CACNA2D3: variants seen among roughly 807,000 people sequenced by gnomAD.
CACNA2D3 encodes voltage-dependent calcium channel subunit alpha-2/delta-3.
A neutral mutation model predicts 160.6 loss-of-function variants in CACNA2D3; 60 were observed. That is an observed-to-expected ratio of 0.37 (90% CI 0.30 to 0.46). The LOEUF (loss-of-function observed/expected upper bound fraction) is 0.46. CACNA2D3 is among the 20% of genes least tolerant of loss of function. The pLI is 1.00. For synonymous variants in CACNA2D3, 558 were observed against 492.9 expected (o/e 1.13, Z -1.75); for missense variants, 1,205 against 1,365.0 (o/e 0.88, Z 1.85).
chr3:54,898,064 CGCTTGCTTGCTT>C (rs10660896), intron 26 of CACNA2D3, among the ~76,000 whole-genome samples: 2 of 151,098 alleles, frequency 1.3e-5, no homozygotes, highest in African/African-American at 4.9e-5. Context: ...GTCCGAAGCT[CGCTTGCTTGCTT>C]GCTTGCTTGC....
chr3:54,291,039 C>T (rs890605463), intron 2 of CACNA2D3, among the ~76,000 whole-genome samples: 7 of 152,248 alleles, frequency 4.6e-5, no homozygotes, highest in Admixed American at 3.9e-4. Context: ...CACATGTACC[C>T]TAAAACTTAA....
At chr3:54,564,174 ACT>A (rs1330902046) in intron 6 of CACNA2D3, among the ~76,000 whole-genome samples, 1 of 152,178 alleles carries the variant, frequency 6.6e-6, no homozygotes, top group Non-Finnish European at 1.5e-5. Context: ...GCTATGCGGC[ACT>A]GTGAAGAGGG....
intron 2 of CACNA2D3, among the ~76,000 whole-genome samples, chr3:54,288,443 CAA>C (rs957021623): frequency 6.6e-6 from 1 of 152,100 alleles, no homozygotes; most frequent in Non-Finnish European, 1.5e-5. Context: ...GCTTACCCAC[CAA>C]AAAGAGTCCA....
chr3:54,473,671 A>T (rs139135585), intron 4 of CACNA2D3, among the ~76,000 whole-genome samples: 2,967 of 152,232 alleles, frequency 0.019, 77 homozygotes, highest in East Asian at 0.11. Flanking sequence ...TACAAGGAAC[A>T]TAAACAAATT....
intron 11 of CACNA2D3, among the ~76,000 whole-genome samples, chr3:54,687,018 T>G (rs534848112): frequency 1.3e-5 from 2 of 152,130 alleles, no homozygotes; most frequent in South Asian, 4.2e-4. Flanking sequence ...CAAGAAAAAT[T>G]TGGAAGCTTG....
In CACNA2D3 at chr3:54,786,603, G is replaced by A. The variant is rs138093813; in HGVS notation, c.1380+22252G>A. On this transcript the variant is annotated intron_variant, in intron 13 of 37. Coordinates refer to ENST00000474759, the MANE Select transcript of CACNA2D3 (RefSeq NM_018398.3). The stretch of plus-strand genomic sequence containing the variant: ...AGTCTTCCTTGGCCTAGGCTTTATA[G>A]ATATTTGGTAGGTAAATAAATAGCA... Among the ~76,000 whole-genome samples the A allele has an allele frequency of 1.4e-4, 22 of 152,252 alleles. No homozygotes were observed. The East Asian group carries it at 3.7e-3, about 25-fold the overall frequency.
At position 54,840,403 on chromosome 3, in the gene CACNA2D3, CTTTTTTTTTTTTTTTT is replaced by C. The variant is rs1174129020; in HGVS notation, c.1551+1765_1551+1780del. On this transcript the variant is annotated intron_variant, in intron 16 of 37. Coordinates refer to ENST00000474759, the MANE Select transcript of CACNA2D3 (RefSeq NM_018398.3). ...CATCTTGCAAGCAGGAGAACCATGT[CTTTTTTTTTTTTTTTT>C]TTTTTTTTTGAGATGGACTCTCACT... 5.4e-5 allele frequency among the ~76,000 whole-genome samples: 4 copies of C among 73,454 alleles called. No homozygotes were observed. The Admixed American group carries it at 8.1e-4, about 15-fold the overall frequency. 48.2% of individuals were successfully genotyped at this position (73,454 alleles called of 152,430 possible).
At chr3:54,472,810 C>G (rs1420693214) in intron 4 of CACNA2D3, among the ~76,000 whole-genome samples, 2 of 152,106 alleles carry the variant, frequency 1.3e-5, no homozygotes, top group Admixed American at 6.6e-5. Context: ...AATAAAACAC[C>G]TAGGTATACG....
At chr3:54,815,372 T>C (rs926091228) in intron 13 of CACNA2D3, among the ~76,000 whole-genome samples, 1 of 152,226 alleles carries the variant, frequency 6.6e-6, no homozygotes, top group African/African-American at 2.4e-5. Context: ...TGTTCGGTTC[T>C]ACTCTTTGTG....
At chr3:54,939,520 G>A (rs758714294) in intron 27 of CACNA2D3, among the ~76,000 whole-genome samples, 1 of 152,224 alleles carries the variant, frequency 6.6e-6, no homozygotes, top group Non-Finnish European at 1.5e-5. Context: ...GGGCCACAGG[G>A]AAAAGAGGGC....
At chr3:54,587,786 A>G (rs998097156) in intron 9 of CACNA2D3, among the ~76,000 whole-genome samples, 1 of 152,192 alleles carries the variant, frequency 6.6e-6, no homozygotes, top group African/African-American at 2.4e-5. Context: ...TAGCTAGACT[A>G]ATCCTATAAC....
chr3:54,466,770 GTATAAT>G (rs1343704041), intron 4 of CACNA2D3, among the ~76,000 whole-genome samples: 24 of 152,336 alleles, frequency 1.6e-4, no homozygotes, highest in African/African-American at 5.3e-4. Context: ...GCCTAACACT[GTATAAT>G]TATAAGTATA....
intron 4 of CACNA2D3, among the ~76,000 whole-genome samples, chr3:54,430,377 T>C (rs771139021): frequency 6.6e-6 from 1 of 152,232 alleles, no homozygotes; most frequent in East Asian, 1.9e-4. Flanking sequence ...ACAGCTTTCA[T>C]TGAGTTGTTG....
At position 54,758,551 on chromosome 3, in the gene CACNA2D3, CT is replaced by C. The variant is rs554160913; in HGVS notation, c.1247-5662del. Among the ~76,000 whole-genome samples, 44 of 152,274 alleles carry C rather than the reference CT, an allele frequency of 2.9e-4. No homozygotes were observed. In the South Asian group the frequency reaches 8.9e-3, roughly 31 times the overall value. On this transcript the variant is annotated intron_variant, in intron 12 of 37. Coordinates refer to ENST00000474759, the MANE Select transcript of CACNA2D3 (RefSeq NM_018398.3). ...GTAGGAAGCTGTTTATAAATTGTAC[CT>C]TTTTCTATAGAAATAAGTGTTTTTT... is the stretch of plus-strand genomic sequence containing the variant.
intron 2 of CACNA2D3, among the ~76,000 whole-genome samples, chr3:54,206,983 C>T (rs573695684): frequency 6.6e-6 from 1 of 152,302 alleles, no homozygotes; most frequent in East Asian, 1.9e-4. Context: ...TTCCTATAGC[C>T]CCTGACAGGG....
chr3:54,375,307 T>C (rs1012071972), intron 3 of CACNA2D3, among the ~76,000 whole-genome samples: 1 of 152,198 alleles, frequency 6.6e-6, no homozygotes, highest in African/African-American at 2.4e-5. Context: ...ATAAACCTTA[T>C]ATTCCCAGAT....
intron 2 of CACNA2D3, among the ~76,000 whole-genome samples, chr3:54,236,556 T>A (rs149659895): frequency 6.6e-6 from 1 of 152,278 alleles, no homozygotes; most frequent in East Asian, 1.9e-4. Flanking sequence ...CATGCCAATA[T>A]GTGTTCTGTG....
At chr3:54,824,457 G>A (rs1703707405) in intron 14 of CACNA2D3, among the ~76,000 whole-genome samples, 1 of 152,172 alleles carries the variant, frequency 6.6e-6, no homozygotes. Context: ...TGCCCAACTT[G>A]CTATTTGGAG....
At chr3:54,550,873 A>G (rs1462357331) in intron 5 of CACNA2D3, among the ~76,000 whole-genome samples, 2 of 152,028 alleles carry the variant, frequency 1.3e-5, no homozygotes, top group Non-Finnish European at 2.9e-5. Flanking sequence ...ACCTCGACCA[A>G]CACGTGTTTG....
Sources: gnomAD v4.1 joint callset for allele counts (sites outside exome capture counted in the v4.1 genomes callset) on GRCh38, gnomAD v4.1.1 for gene constraint, MANE v1.5 for transcripts, NCBI Gene and HGNC (gene_info 2026-07-23, HGNC 2026-07-21) for gene names.